The following PARD3B variants were observed in gnomAD, a reference collection of about 807,000 sequenced individuals.
PARD3B encodes the protein partitioning defective 3 homolog B.
In PARD3B, 103 loss-of-function variants were observed where a neutral mutation model predicts 130.2. The observed-to-expected ratio is 0.79, with a 90% CI of 0.67 to 0.93. PARD3B has a LOEUF of 0.93. Among genes scored for constraint, PARD3B ranks in the 40% least tolerant of loss-of-function variants. The pLI is 0.00. For missense variants in PARD3B, 1,609 were observed against 1,499.2 expected (o/e 1.07, Z -1.21); for synonymous variants, 583 against 553.2 (o/e 1.05, Z -0.76).
At chr2:205,504,026 T>G (rs1003423248) in intron 21 of PARD3B, among the ~76,000 whole-genome samples, 5 of 152,226 alleles carry the variant, frequency 3.3e-5, no homozygotes. Context: ...ATTGATTTTA[T>G]ATCCTGAGAC....
rs1264980978 is a variant in PARD3B at position 205,591,370 on chromosome 2, A to G, written c.3261-24086A>G. 6.6e-6 allele frequency among the ~76,000 whole-genome samples: 1 copy of G among 152,236 alleles called. No individual in the cohort carries two copies. Among genetic ancestry groups the G allele is most frequent in the Non-Finnish European group, 1.5e-5 (1 of 68,044 alleles). On this transcript the variant is annotated intron_variant, in intron 22 of 22. Transcript: ENST00000406610. The surrounding 1 kb of genome is among the most constrained non-coding windows in gnomAD (Gnocchi z 4.2). ...ACATATTTGAATATTTGAAAGACTG[A>G]GAAAAGCACATGAGAAGTTATGGAA...
In PARD3B at chr2:205,572,396, GTT is replaced by G. The variant is rs1423325367; in HGVS notation, c.3260+18995_3260+18996del. Among the ~76,000 whole-genome samples the G allele has an allele frequency of 3.9e-5, 6 of 152,176 alleles. No homozygotes were observed. The highest frequency in any genetic ancestry group is 1.2e-4 in the African/African-American group (5 of 41,446). On this transcript the variant is annotated intron_variant, in intron 22 of 22. Coordinates refer to ENST00000406610, the MANE Select transcript of PARD3B (RefSeq NM_001302769.2). The surrounding 1 kb of genome is among the most constrained non-coding windows in gnomAD (Gnocchi z 4.2). ...TTGAAGGTGTTTAAAGAAAGAAATG[GTT>G]TAATCAGATTTGCACTGTAGAGAAA... is the stretch of plus-strand genomic sequence containing the variant.
chr2:204,843,666 C>T (rs1387780309), intron 2 of PARD3B, among the ~76,000 whole-genome samples: 3 of 152,098 alleles, frequency 2.0e-5, no homozygotes, highest in African/African-American at 7.3e-5. Flanking sequence ...TGAGCCACCG[C>T]GCCCAGTCCA....
At chr2:205,416,565 C>T (rs2046783055) in intron 19 of PARD3B, among the ~76,000 whole-genome samples, 2 of 152,072 alleles carry the variant, frequency 1.3e-5, no homozygotes, top group Admixed American at 1.3e-4. Flanking sequence ...TCTGCTAAGC[C>T]CTTGGCCTGC....
rs148712826 is a variant in PARD3B, at chr2:204,987,364, T to C, written c.394+22041T>C. On this transcript the variant is annotated intron_variant, in intron 3 of 22. Coordinates refer to ENST00000406610, the MANE Select transcript of PARD3B (RefSeq NM_001302769.2). ...TTGAATTCTGAAAATATTGCCAGAA[T>C]AGAATGCTTGTTGATTGATAAAATA... Among the ~76,000 whole-genome samples the C allele has an allele frequency of 1.8e-4, 27 of 152,392 alleles. 1 individual carries two copies. In the East Asian group the frequency reaches 5.0e-3, roughly 28 times the overall value.
Position 205,178,721 on chromosome 2 carries a change from A to G in PARD3B, c.1924+2144A>G, listed in dbSNP as rs114796583. 5.2e-3 allele frequency among the ~76,000 whole-genome samples: 795 copies of G among 152,344 alleles called. 8 individuals are homozygous for G. The highest frequency in any genetic ancestry group is 0.017 in the African/African-American group (717 of 41,568). On this transcript the variant is annotated intron_variant, in intron 13 of 22. Coordinates refer to ENST00000406610, the MANE Select transcript of PARD3B (RefSeq NM_001302769.2). ...ATTCCTAGTTACACCAGTGACATCT[A>G]AATGAACACTAAGTACCTTTTGTTT...
chr2:205,484,647 C>T (rs531030473), intron 20 of PARD3B, among the ~76,000 whole-genome samples: 27 of 151,956 alleles, frequency 1.8e-4, no homozygotes, highest in Admixed American at 9.8e-4. Flanking sequence ...GCTGTTGGAA[C>T]GAAGCAAGGA....
intron 18 of PARD3B, among the ~76,000 whole-genome samples, chr2:205,387,523 G>T (rs771009581): frequency 4.6e-5 from 7 of 152,154 alleles, no homozygotes; most frequent in African/African-American, 9.7e-5. Flanking sequence ...AGCATGTGGA[G>T]CTCAGTAGGA....
In PARD3B at chr2:205,341,586, G is replaced by T. The variant is rs1321273896; in HGVS notation, c.2630+39885G>T. Among the ~76,000 whole-genome samples the T allele has an allele frequency of 6.6e-6, 1 of 152,066 alleles. No homozygotes were observed. Among genetic ancestry groups the T allele is most frequent in the Non-Finnish European group, 1.5e-5 (1 of 67,986 alleles). On this transcript the variant is annotated intron_variant, in intron 18 of 22. Coordinates refer to ENST00000406610, the MANE Select transcript of PARD3B (RefSeq NM_001302769.2). This position sits in a 1 kb window ranked among gnomAD's most constrained non-coding sequence, Gnocchi z 4.3. ...GAGACCAGAATTGTGGCTATTAGAG[G>T]CTGGGAAGCATGGGGGAAGGAGAGG...
Position 205,558,809 on chromosome 2 carries a change from T to TC in PARD3B, c.3260+5411dup, listed in dbSNP as rs1475695028. ...CTTCTGCCTCCAAGACGCCTCCAAG[T>TC]CCCCCTGCCAAAACCCATGCCATCT... On this transcript the variant is annotated intron_variant, in intron 22 of 22. Transcript: ENST00000406610. The surrounding 1 kb of genome is among the most constrained non-coding windows in gnomAD (Gnocchi z 4.8). 6.6e-6 allele frequency among the ~76,000 whole-genome samples: 1 copy of TC among 152,056 alleles called. No individual in the cohort carries two copies. The highest frequency in any genetic ancestry group is 1.5e-5 in the Non-Finnish European group (1 of 68,012).
At chr2:204,924,878 TG>T (rs1242987285) in intron 2 of PARD3B, among the ~76,000 whole-genome samples, 1 of 151,930 alleles carries the variant, frequency 6.6e-6, no homozygotes, top group African/African-American at 2.4e-5. Flanking sequence ...AACTGTATAT[TG>T]AGCAGGATTT....
chr2:205,188,998 G>T (rs970401186), intron 14 of PARD3B, among the ~76,000 whole-genome samples: 1 of 152,084 alleles, frequency 6.6e-6, no homozygotes, highest in African/African-American at 2.4e-5. Flanking sequence ...ATAATATGTG[G>T]GTCTAAGTAA....
At chr2:205,108,417 T>C (rs1703379592) in intron 5 of PARD3B, among the ~76,000 whole-genome samples, 1 of 152,216 alleles carries the variant, frequency 6.6e-6, no homozygotes, top group African/African-American at 2.4e-5. Flanking sequence ...CTCAAGCTAA[T>C]GGTTTAATCT....
chr2:205,338,178 A>T (rs56350941), intron 18 of PARD3B, among the ~76,000 whole-genome samples: 2 of 123,562 alleles, frequency 1.6e-5, no homozygotes, highest in Non-Finnish European at 3.6e-5. Flanking sequence ...AAAAAAAAAA[A>T]GGCTTCATGA....
intron 18 of PARD3B, among the ~76,000 whole-genome samples, chr2:205,381,024 ATATATTAT>A (rs2045396498): frequency 3.6e-5 from 1 of 27,670 alleles, no homozygotes; most frequent in African/African-American, 8.8e-5. Context: ...AATATATATG[ATATATTAT>A]ATATAAAGAA....
intron 2 of PARD3B, among the ~76,000 whole-genome samples, chr2:204,733,015 G>T (rs892042437): frequency 6.6e-6 from 1 of 151,976 alleles, no homozygotes; most frequent in African/African-American, 2.4e-5. Flanking sequence ...TTGATAAAGG[G>T]ATTCACACAA....
intron 2 of PARD3B, among the ~76,000 whole-genome samples, chr2:204,794,580 G>A (rs562874080): frequency 3.0e-4 from 45 of 152,288 alleles, no homozygotes; most frequent in Middle Eastern, 6.8e-3. Context: ...GGTCTTCCCA[G>A]TGTATAATTG....
At chr2:205,607,831 TACACACACACACACACACAC>T (rs776583001) in intron 22 of PARD3B, among the ~76,000 whole-genome samples, 3 of 116,190 alleles carry the variant, frequency 2.6e-5, no homozygotes, top group African/African-American at 4.1e-5. Context: ...CCAACACCCA[TACACACACACACACACACAC>T]ACACACACAC....
chr2:205,009,047 G>A (rs1695499660), intron 3 of PARD3B, among the ~76,000 whole-genome samples: 1 of 151,894 alleles, frequency 6.6e-6, no homozygotes, highest in Admixed American at 6.6e-5. Flanking sequence ...ATGTAGTAAG[G>A]GTACAAATAT....
Sources: gnomAD v4.1 joint callset for allele counts (sites outside exome capture counted in the v4.1 genomes callset) on GRCh38, gnomAD v4.1.1 for gene constraint, Gnocchi (gnomAD v3.1) non-coding constraint, MANE v1.5 for transcripts, NCBI Gene and HGNC (gene_info 2026-07-23, HGNC 2026-07-21) for gene names.